CNTNAP2: variants seen among roughly 807,000 people sequenced by gnomAD.
CNTNAP2 encodes contactin-associated protein-like 2.
CNTNAP2 carries 98 observed loss-of-function variants against 155.2 expected under a neutral mutation model. The observed-to-expected ratio is 0.63, with a 90% CI of 0.54 to 0.75. CNTNAP2 has a LOEUF of 0.75. Among genes scored for constraint, CNTNAP2 ranks in the 30% least tolerant of loss-of-function variants. The pLI is 0.00. For synonymous variants in CNTNAP2, 651 were observed against 631.2 expected, an observed-to-expected ratio of 1.03 and a Z score of -0.47; for missense variants, 1,727 against 1,688.1, an observed-to-expected ratio of 1.02 and a Z score of -0.40.
Position 147,975,035 on chromosome 7 carries a change from A to AATTTTTTGTATTACGTATAATACC in CNTNAP2, c.2256-2804_2256-2803insCATTTTTTGTATTACGTATAATAC, listed in dbSNP as rs1801403268. 2.6e-5 allele frequency among the ~76,000 whole-genome samples: 4 copies of AATTTTTTGTATTACGTATAATACC among 151,628 alleles called. 1 individual carries two copies. Among genetic ancestry groups the AATTTTTTGTATTACGTATAATACC allele is most frequent in the African/African-American group, 9.7e-5 (4 of 41,418 alleles). ...CAATTTTTTGTATTACATATAATAC[A>AATTTTTTGTATTACGTATAATACC]ATTTTTTGTATTACGTATAATACAA... is the stretch of plus-strand genomic sequence containing the variant. On this transcript the variant is annotated intron_variant, in intron 14 of 23. Coordinates refer to ENST00000361727, the MANE Select transcript of CNTNAP2 (RefSeq NM_014141.6).
At chr7:146,209,792 GCTTT>G (rs1334553301) in intron 1 of CNTNAP2, among the ~76,000 whole-genome samples, 1 of 152,068 alleles carries the variant, frequency 6.6e-6, no homozygotes. Flanking sequence ...CTATAGAACA[GCTTT>G]CTTTTAATGA....
At chr7:147,659,332 T>C (rs1795578546) in intron 13 of CNTNAP2, among the ~76,000 whole-genome samples, 1 of 152,244 alleles carries the variant, frequency 6.6e-6, no homozygotes, top group Admixed American at 6.5e-5. Flanking sequence ...GTAGCTTTTA[T>C]AGATATTTTG....
intron 3 of CNTNAP2, among the ~76,000 whole-genome samples, chr7:146,886,422 T>C (rs1039827151): frequency 1.3e-5 from 2 of 152,104 alleles, no homozygotes; most frequent in Admixed American, 6.6e-5. Context: ...GCACTATAAT[T>C]CTTTTTGGTA....
chr7:148,099,732 A>G (rs1020593212), intron 15 of CNTNAP2, among the ~76,000 whole-genome samples: 1 of 151,968 alleles, frequency 6.6e-6, no homozygotes, highest in African/African-American at 2.4e-5. Flanking sequence ...ATCAAAAACC[A>G]GTTAGTTCCT....
chr7:146,512,364 T>C (rs979592302), intron 1 of CNTNAP2, among the ~76,000 whole-genome samples: 2 of 151,994 alleles, frequency 1.3e-5, no homozygotes, highest in African/African-American at 4.8e-5. Flanking sequence ...CCAGTTTCTC[T>C]ACATGTATCA....
chr7:147,111,683 T>C (rs1220231179), intron 5 of CNTNAP2, among the ~76,000 whole-genome samples: 1 of 152,192 alleles, frequency 6.6e-6, no homozygotes, highest in Non-Finnish European at 1.5e-5. Context: ...GTTATAGGTG[T>C]ATGGTCTTAT....
At chr7:148,398,390 C>T (rs993798453) in intron 22 of CNTNAP2, among the ~76,000 whole-genome samples, 4 of 152,180 alleles carry the variant, frequency 2.6e-5, no homozygotes, top group Admixed American at 2.0e-4. Context: ...CTGAAAACAG[C>T]GTCTTCTGCA....
At chr7:146,560,131 A>G (rs966058132) in intron 1 of CNTNAP2, among the ~76,000 whole-genome samples, 7 of 152,122 alleles carry the variant, frequency 4.6e-5, no homozygotes, top group Non-Finnish European at 1.0e-4. Context: ...CTCACTTCCC[A>G]TCACTGAATT....
chr7:147,915,988 G>C (rs1452030132), intron 14 of CNTNAP2, among the ~76,000 whole-genome samples: 1 of 152,120 alleles, frequency 6.6e-6, no homozygotes, highest in Non-Finnish European at 1.5e-5. Context: ...ACTCTTTTAG[G>C]AGCTTAACTA....
At chr7:147,997,556 CAA>C (rs34678249) in intron 15 of CNTNAP2, among the ~76,000 whole-genome samples, 24,136 of 131,886 alleles carry the variant, frequency 0.18, 2,396 homozygotes, top group African/African-American at 0.3. Flanking sequence ...AACTCTGTCT[CAA>C]AAAAAAAAAA....
intron 3 of CNTNAP2, among the ~76,000 whole-genome samples, chr7:147,030,310 T>G (rs553517617): frequency 9.2e-5 from 14 of 152,314 alleles, no homozygotes; most frequent in South Asian, 6.2e-4. Context: ...ATGTGAGGAT[T>G]TGGGAAGTTT....
chr7:148,275,909 G>T (rs1377342335), intron 21 of CNTNAP2, among the ~76,000 whole-genome samples: 2 of 152,182 alleles, frequency 1.3e-5, no homozygotes, highest in African/African-American at 4.8e-5. Flanking sequence ...AAAGAAACAT[G>T]CCATGGGAGT....
chr7:147,102,581 G>T (rs982663510), intron 4 of CNTNAP2, among the ~76,000 whole-genome samples: 1 of 152,176 alleles, frequency 6.6e-6, no homozygotes, highest in Admixed American at 6.5e-5. Context: ...ACTGTGAGAT[G>T]CTGGCCTTCA....
chr7:148,220,940 C>T (rs771090726), intron 19 of CNTNAP2, among the ~76,000 whole-genome samples: 2 of 152,128 alleles, frequency 1.3e-5, no homozygotes, highest in Non-Finnish European at 2.9e-5. Context: ...TCAGGTCCCT[C>T]CCCAGGAGGA....
At chr7:148,363,852 G>GC (rs1563058141) in intron 21 of CNTNAP2, among the ~76,000 whole-genome samples, 1 of 148,726 alleles carries the variant, frequency 6.7e-6, no homozygotes, top group Non-Finnish European at 1.5e-5. Context: ...GCTGCGTGCG[G>GC]GCCAGCTGGA....
intron 2 of CNTNAP2, among the ~76,000 whole-genome samples, chr7:146,811,523 T>C (rs1220662467): frequency 2.0e-5 from 3 of 152,132 alleles, no homozygotes; most frequent in Non-Finnish European, 4.4e-5. Flanking sequence ...TGTTAGTCTT[T>C]TTTTCTTTGT....
chr7:147,818,804 A>C (rs1798317004), intron 13 of CNTNAP2, among the ~76,000 whole-genome samples: 1 of 152,218 alleles, frequency 6.6e-6, no homozygotes. Context: ...AAAATGGCTT[A>C]AAGGCAAAAT....
At chr7:147,555,261 T>C (rs1395465128) in intron 11 of CNTNAP2, among the ~76,000 whole-genome samples, 2 of 152,216 alleles carry the variant, frequency 1.3e-5, no homozygotes, top group African/African-American at 4.8e-5. Flanking sequence ...GAGACCATCC[T>C]ACACTGAACA....
At chr7:147,054,354 C>A (rs747236389) in intron 4 of CNTNAP2, among the ~76,000 whole-genome samples, 3 of 152,072 alleles carry the variant, frequency 2.0e-5, no homozygotes, top group Non-Finnish European at 2.9e-5. Flanking sequence ...ATAACTCAAG[C>A]TTTAATTGCA....
Sources: allele counts gnomAD v4.1 joint callset (sites outside exome capture counted in the v4.1 genomes callset), GRCh38; gene constraint gnomAD v4.1.1; transcripts MANE v1.5; gene names NCBI Gene and HGNC (gene_info 2026-07-23, HGNC 2026-07-21).